Variants in FBXO25 observed in about 807,000 individuals in gnomAD.
FBXO25 encodes F-box protein 25.
Under a neutral mutation model 51.9 loss-of-function variants are expected in FBXO25, and 45 were observed. The ratio of observed to expected loss-of-function variants is 0.87; its 90% CI spans 0.68 to 1.11. The LOEUF (loss-of-function observed/expected upper bound fraction) is 1.11. Among genes scored for constraint, FBXO25 ranks in the 50% most tolerant of loss-of-function variants. The pLI, the probability that FBXO25 is intolerant of heterozygous loss-of-function variation, is 0.00. For missense variants in FBXO25, 507 were observed against 428.5 expected, an observed-to-expected ratio of 1.18 and a Z score of -1.62; for synonymous variants, 199 against 151.0, an observed-to-expected ratio of 1.32 and a Z score of -2.33.
At chr8:464,210 C>G (rs1197339714) in intron 9 of FBXO25, among the ~76,000 whole-genome samples, 1 of 152,196 alleles carries the variant, frequency 6.6e-6, no homozygotes, top group African/African-American at 2.4e-5. Context: ...TGTGCCCCAG[C>G]TTTCCAAAGT....
chr8:407,441 G>A (rs1796224341), intron 1 of FBXO25: 1 of 984,512 alleles, frequency 1.0e-6, no homozygotes, highest in Admixed American at 6.2e-5. Context: ...GCCGGCGGGT[G>A]TGGAGGGTTC....
chr8:457,177 G>C (rs976990397), intron 7 of FBXO25, among the ~76,000 whole-genome samples: 12 of 152,204 alleles, frequency 7.9e-5, no homozygotes, highest in Non-Finnish European at 1.8e-4. Context: ...CCAGACTGGG[G>C]TCAGGAGCTG....
intron 2 of FBXO25, among the ~76,000 whole-genome samples, chr8:413,969 G>A (rs1475115624): frequency 2.6e-5 from 4 of 152,186 alleles, no homozygotes; most frequent in African/African-American, 9.7e-5. Flanking sequence ...TGGAGGGCTA[G>A]GAAGGTCTTG....
intron 1 of FBXO25, 30 bp from the exon 2 acceptor site, chr8:413,043 A>G: frequency 6.9e-7 from 1 of 1,455,614 alleles, no homozygotes; most frequent in East Asian, 2.4e-5. Context: ...AATTATATAT[A>G]CTTTTTAACA....
chr8:432,475 G>A (rs953839831), intron 3 of FBXO25, among the ~76,000 whole-genome samples: 3 of 152,202 alleles, frequency 2.0e-5, no homozygotes, highest in Admixed American at 6.5e-5. Context: ...GTCACATGGA[G>A]AATACAGTTA....
Position 474,343 on chromosome 8 carries a change from G to A in FBXO25, c.*5539G>A, listed in dbSNP as rs1800579901. 4.1e-6 allele frequency: 1 copy of A among 245,034 alleles called. No homozygotes were observed. Among genetic ancestry groups the A allele is most frequent in the African/African-American group, 2.3e-5 (1 of 42,642 alleles). The allele number at this position is 245,034 out of a possible 1,614,324, so 15.2% of individuals were successfully genotyped here. A position where few individuals can be genotyped will look rare whatever the true frequency, so the allele number is the denominator to read the frequency against. On this transcript the variant is annotated 3_prime_UTR_variant, in exon 10 of 10. Coordinates refer to ENST00000350302, the MANE Select transcript of FBXO25 (RefSeq NM_183420.2). ...CATTTTGTTTGTGTACTCATCTGTTGAGGACACTTGAGTTGCTTCCACCTT... is the reference window on the plus strand; with the variant it reads ...CATTTTGTTTGTGTACTCATCTGTTAAGGACACTTGAGTTGCTTCCACCTT...
rs1041682907 is a variant in FBXO25 at position 469,688 on chromosome 8, A to T, written c.*884A>T. The T allele has an allele frequency of 2.6e-5, 4 of 151,876 alleles. No homozygotes were observed. The highest frequency in any genetic ancestry group is 3.4e-3 in the Middle Eastern group (1 of 292). The allele number at this position is 151,876 out of a possible 1,614,324, so 9.4% of individuals were successfully genotyped here. A position where few individuals can be genotyped will look rare whatever the true frequency, so the allele number is the denominator to read the frequency against. On this transcript the variant is annotated 3_prime_UTR_variant, in exon 10 of 10. Coordinates refer to ENST00000350302, the MANE Select transcript of FBXO25 (RefSeq NM_183420.2). ...GCATGTCCATTTTAGAAAATTAGAA[A>T]ATCAGTCCCACCACCCAAAGATTAT...
chr8:407,367 GGGTCCGCGGGCGCGTCAGGTAGGGACGAT>G (rs1295705203), intron 1 of FBXO25: 1 of 981,992 alleles, frequency 1.0e-6, no homozygotes, highest in Non-Finnish European at 1.2e-6. Flanking sequence ...GCTGAAGTCT[GGGTCCGCGGGCGCGTCAGGTAGGGACGAT>G]GGGCCGCGGG....
At chr8:452,136 C>T (rs1294110208) in intron 7 of FBXO25, among the ~76,000 whole-genome samples, 1 of 152,208 alleles carries the variant, frequency 6.6e-6, no homozygotes, top group Non-Finnish European at 1.5e-5. Flanking sequence ...TTTATCACAG[C>T]ACCCCAGTTT....
rs1800469805 is a variant in FBXO25 at position 471,076 on chromosome 8, A to G, written c.*2272A>G. The G allele has an allele frequency of 6.6e-6, 1 of 152,210 alleles. No individual in the cohort carries two copies. Among genetic ancestry groups the G allele is most frequent in the Admixed American group, 6.5e-5 (1 of 15,274 alleles). 9.4% of individuals were successfully genotyped at this position (152,210 alleles called of 1,614,324 possible). On this transcript the variant is annotated 3_prime_UTR_variant, in exon 10 of 10. Transcript: ENST00000350302. ...ATGTGCATTTAACTTGTATAAATTG[A>G]GCAGTACTTGCTTGGAAAACATAAC...
intron 2 of FBXO25, among the ~76,000 whole-genome samples, chr8:424,865 G>A (rs1044347787): frequency 1.2e-4 from 18 of 152,066 alleles, no homozygotes; most frequent in Non-Finnish European, 2.4e-4. Context: ...CATTCCATAT[G>A]AATTTTAGGA....
At position 470,721 on chromosome 8, in the gene FBXO25, C is replaced by T. The variant is rs1445918272; in HGVS notation, c.*1917C>T. On this transcript the variant is annotated 3_prime_UTR_variant, in exon 10 of 10. Coordinates refer to ENST00000350302, the MANE Select transcript of FBXO25 (RefSeq NM_183420.2). ...TCTAATCTAGGAAAGGGAGTAAGTA[C>T]ATTGAGTTTCCATTATCCCTGAAGC... is the stretch of plus-strand genomic sequence containing the variant. 2 of 152,196 alleles carry T rather than the reference C, an allele frequency of 1.3e-5. No individual in the cohort carries two copies. The highest frequency in any genetic ancestry group is 2.9e-5 in the Non-Finnish European group (2 of 68,044). The allele number at this position is 152,196 out of a possible 1,614,324, so 9.4% of individuals were successfully genotyped here.
At chr8:421,556 T>C (rs1275177417) in intron 2 of FBXO25, among the ~76,000 whole-genome samples, 2 of 152,234 alleles carry the variant, frequency 1.3e-5, no homozygotes, top group East Asian at 3.8e-4. Flanking sequence ...AGTTATCCTG[T>C]GGTTCTGGAT....
chr8:475,049 G>A lies in FBXO25; in HGVS notation c.*6245G>A. Reference sequence around the variant, plus strand: ...CTAAGAAATCACTGCCAAATCCAATGTTGTTAAAAGTTTCCCTTATGTTTC... The same window carrying A: ...CTAAGAAATCACTGCCAAATCCAATATTGTTAAAAGTTTCCCTTATGTTTC... On this transcript the variant is annotated 3_prime_UTR_variant, in exon 10 of 10. Transcript: ENST00000350302. The A allele has an allele frequency of 2.5e-6, 1 of 397,876 alleles. No homozygotes were observed. The highest frequency in any genetic ancestry group is 1.9e-5 in the South Asian group (1 of 51,904). 24.6% of individuals were successfully genotyped at this position (397,876 alleles called of 1,614,324 possible). A position where few individuals can be genotyped will look rare whatever the true frequency, so the allele number is the denominator to read the frequency against.
At chr8:414,447 A>C (rs1209977130) in intron 2 of FBXO25, among the ~76,000 whole-genome samples, 1 of 152,108 alleles carries the variant, frequency 6.6e-6, no homozygotes, top group Admixed American at 6.5e-5. Flanking sequence ...GGATGGGGAG[A>C]TATATTACAG....
At chr8:409,147 C>G (rs1191246878) in intron 1 of FBXO25, among the ~76,000 whole-genome samples, 1 of 152,116 alleles carries the variant, frequency 6.6e-6, no homozygotes, top group African/African-American at 2.4e-5. Context: ...GATCCAGACC[C>G]CAGACGTTTT....
rs994775734 is a variant in FBXO25, at chr8:469,186, A to C, written c.*382A>C. The C allele has an allele frequency of 2.9e-5, 5 of 171,528 alleles. No homozygotes were observed. Among genetic ancestry groups the C allele is most frequent in the Non-Finnish European group, 3.7e-5 (3 of 81,408 alleles). The allele number at this position is 171,528 out of a possible 1,614,324, so 10.6% of individuals were successfully genotyped here. A position where few individuals can be genotyped will look rare whatever the true frequency, so the allele number is the denominator to read the frequency against. On this transcript the variant is annotated 3_prime_UTR_variant, in exon 10 of 10. Transcript: ENST00000350302. ...TTATAGTTTCCCAATTGGGAAACTAATTGGGGGTGGGTTACAAAACATTTG... is the reference window on the plus strand; with the variant it reads ...TTATAGTTTCCCAATTGGGAAACTACTTGGGGGTGGGTTACAAAACATTTG...
Position 413,147 on chromosome 8 carries a change from A to G in FBXO25, c.68A>G (p.Lys23Arg). The change falls in exon 2 of 10, where the codon AAG becomes AGG. Residue 23 changes from lysine (K) to arginine (R), a missense_variant. Lys to Arg is a conservative substitution (Grantham distance 26). Coordinates refer to ENST00000350302, the MANE Select transcript of FBXO25 (RefSeq NM_183420.2). ...WSWIKTEDGW[K>R]RCESCSQKLE... ...TGGATTAAGACAGAAGATGGCTGGA[A>G]GAGATGTGAATCTTGTAGTCAGAAA... The G allele has an allele frequency of 1.9e-6, 3 of 1,611,628 alleles. No individual in the cohort carries two copies. Among genetic ancestry groups the G allele is most frequent in the Non-Finnish European group, 1.7e-6 (2 of 1,178,876 alleles).
rs1267491015 is a variant in FBXO25 at position 475,034 on chromosome 8, A to G, written c.*6230A>G. On this transcript the variant is annotated 3_prime_UTR_variant, in exon 10 of 10. Coordinates refer to ENST00000350302, the MANE Select transcript of FBXO25 (RefSeq NM_183420.2). ...CCTCTGGTGTCATATCTAAGAAATC[A>G]CTGCCAAATCCAATGTTGTTAAAAG... is the stretch of plus-strand genomic sequence containing the variant. 2 of 409,132 alleles carry G rather than the reference A, an allele frequency of 4.9e-6. No individual in the cohort carries two copies. The highest frequency in any genetic ancestry group is 4.2e-5 in the African/African-American group (2 of 47,866). The allele number at this position is 409,132 out of a possible 1,614,324, so 25.3% of individuals were successfully genotyped here.
Sources: allele counts gnomAD v4.1 joint callset (sites outside exome capture counted in the v4.1 genomes callset), GRCh38; gene constraint gnomAD v4.1.1; transcripts MANE v1.5; gene names NCBI Gene and HGNC (gene_info 2026-07-23, HGNC 2026-07-21).